Variants in PPP1R36 observed in about 807,000 individuals in gnomAD.
PPP1R36 encodes protein phosphatase 1 regulatory subunit 36, also known as chromosome 14 open reading frame 50.
Under a neutral mutation model 53.4 loss-of-function variants are expected in PPP1R36, and 47 were observed. The ratio of observed to expected loss-of-function variants is 0.88; its 90% CI spans 0.70 to 1.12. The LOEUF (loss-of-function observed/expected upper bound fraction) is 1.12, where lower values mean the gene tolerates loss of function less well. Ranked by LOEUF, PPP1R36 falls within the 50% of genes most tolerant of loss-of-function variation. PPP1R36 has a pLI of 0.00. For missense variants in PPP1R36, 456 were observed against 513.9 expected (o/e 0.89, Z 1.09); for synonymous variants, 153 against 170.5 (o/e 0.90, Z 0.80).
intron 3 of PPP1R36, among the ~76,000 whole-genome samples, chr14:64,560,361 G>A (rs1329682850): frequency 6.6e-6 from 1 of 151,516 alleles, no homozygotes; most frequent in Non-Finnish European, 1.5e-5. Flanking sequence ...AGAATCATCT[G>A]GGCCCTTGAG....
chr14:64,587,290 A>G lies in PPP1R36; in HGVS notation c.808A>G (p.Asn270Asp). Residue 270 changes from asparagine (N) to aspartate (D), a missense_variant, in exon 10 of 12, where the codon AAT (asparagine) becomes GAT (aspartate). Transcript: ENST00000298705. ...AGAAGTAGGGAGACTCTTTCGTACCAATATGTTCAACATTCCTCGCAGGAG... is the reference window on the plus strand; with the variant it reads ...AGAAGTAGGGAGACTCTTTCGTACCGATATGTTCAACATTCCTCGCAGGAG... ...EEEVGRLFRT[N>D]MFNIPRRRRE... is the part of the protein sequence containing the mutation. 6.2e-7 allele frequency: 1 copy of G among 1,613,762 alleles called. No homozygotes were observed. Among genetic ancestry groups the G allele is most frequent in the Non-Finnish European group, 8.5e-7 (1 of 1,179,682 alleles).
chr14:64,564,623 A>G, intron 3 of PPP1R36, 128 bp from the exon 4 acceptor site: 1 of 584,660 alleles, frequency 1.7e-6, no homozygotes, highest in Non-Finnish European at 2.9e-6. Context: ...AAATAGATGA[A>G]TTGAACACTG....
At chr14:64,564,893 G>C (rs1408288218) in intron 4 of PPP1R36, 56 bp downstream of exon 4, 2 of 1,187,858 alleles carry the variant, frequency 1.7e-6, no homozygotes, top group Non-Finnish European at 2.4e-6. Context: ...CAGTGGAATG[G>C]CTTCAGCCTT....
Position 64,587,424 on chromosome 14 carries a change from C to CTTTCT in PPP1R36, c.890+66_890+70dup, listed in dbSNP as rs747645165. ...CAGGGGTATTTCTTTTCTTCCTTTC[C>CTTTCT]TTTCTTTTCTTTTCTTTTTTCTCCT... On this transcript the variant is annotated intron_variant, in intron 10 of 11. Coordinates refer to ENST00000298705, the MANE Select transcript of PPP1R36 (RefSeq NM_172365.3). 1.1e-4 allele frequency: 77 copies of CTTTCT among 690,954 alleles called. No individual in the cohort carries two copies. In the African/African-American group the frequency reaches 1.5e-3, roughly 13 times the overall value. 42.8% of individuals were successfully genotyped at this position (690,954 alleles called of 1,614,324 possible). A position where few individuals can be genotyped will look rare whatever the true frequency, so the allele number is the denominator to read the frequency against.
At chr14:64,552,306 T>A (rs1051886427) in intron 2 of PPP1R36, among the ~76,000 whole-genome samples, 3 of 152,000 alleles carry the variant, frequency 2.0e-5, no homozygotes, top group Non-Finnish European at 4.4e-5. Context: ...CTGGCCAACA[T>A]GGTGAAATCC....
At chr14:64,571,814 C>T (rs1023393047) in intron 7 of PPP1R36, among the ~76,000 whole-genome samples, 1 of 152,100 alleles carries the variant, frequency 6.6e-6, no homozygotes, top group African/African-American at 2.4e-5. Context: ...TGGTGGAAGG[C>T]GAATGAGGAG....
At position 64,562,162 on chromosome 14, in the gene PPP1R36, C is replaced by T. The variant is rs1192901552; in HGVS notation, c.183-2589C>T. ...CACCAATCAGAGGTTCAATTCACAGCACAATTTTCAATTATTGGCTGGGCG... is the reference window on the plus strand; with the variant it reads ...CACCAATCAGAGGTTCAATTCACAGTACAATTTTCAATTATTGGCTGGGCG... On this transcript the variant is annotated intron_variant, in intron 3 of 11. Coordinates refer to ENST00000298705, the MANE Select transcript of PPP1R36 (RefSeq NM_172365.3). The T allele has an allele frequency of 4.1e-5, 7 of 172,036 alleles. No individual in the cohort carries two copies. The South Asian group carries it at 5.4e-4, about 13-fold the overall frequency. The allele number at this position is 172,036 out of a possible 1,614,324, so 10.7% of individuals were successfully genotyped here.
chr14:64,583,986 C>T (rs1325259034), intron 8 of PPP1R36, among the ~76,000 whole-genome samples: 1 of 149,984 alleles, frequency 6.7e-6, no homozygotes, highest in Non-Finnish European at 1.5e-5. Flanking sequence ...CTGCAACCTC[C>T]GCCTCCTGGG....
intron 3 of PPP1R36, among the ~76,000 whole-genome samples, chr14:64,556,762 ATGTGTG>A (rs369620598): frequency 6.4e-4 from 86 of 134,058 alleles, no homozygotes; most frequent in African/African-American, 1.9e-3. Context: ...TCTCCAAAAA[ATGTGTG>A]TGTGTGTGTG....
chr14:64,554,338 ACAGGGTTTCT>A (rs1295126857), intron 3 of PPP1R36, among the ~76,000 whole-genome samples: 2 of 151,616 alleles, frequency 1.3e-5, no homozygotes, highest in Admixed American at 6.6e-5. Flanking sequence ...TTTAGTAGAG[ACAGGGTTTCT>A]CCATGTTGGT....
At chr14:64,562,531 A>G (rs901583632) in intron 3 of PPP1R36, among the ~76,000 whole-genome samples, 36 of 152,138 alleles carry the variant, frequency 2.4e-4, no homozygotes, top group African/African-American at 8.4e-4. Flanking sequence ...GGCTGCTTTC[A>G]GGGCTATGGC....
At chr14:64,555,892 C>T (rs761574734) in intron 3 of PPP1R36, among the ~76,000 whole-genome samples, 44 of 152,058 alleles carry the variant, frequency 2.9e-4, no homozygotes, top group Non-Finnish European at 5.1e-4. Context: ...TTTGCATTTC[C>T]ATCATTTCAT....
intron 3 of PPP1R36, among the ~76,000 whole-genome samples, chr14:64,562,571 C>T (rs61450623): frequency 0.027 from 4,115 of 152,190 alleles, 178 homozygotes; most frequent in African/African-American, 0.095. Context: ...TGGAACCTGT[C>T]TTACCAGCCA....
At chr14:64,577,240 A>C (rs2080349169) in intron 8 of PPP1R36, among the ~76,000 whole-genome samples, 1 of 152,156 alleles carries the variant, frequency 6.6e-6, no homozygotes, top group South Asian at 2.1e-4. Context: ...TCCGTGACTT[A>C]ATTACTTCCA....
intron 8 of PPP1R36, among the ~76,000 whole-genome samples, chr14:64,577,025 C>A (rs1207824722): frequency 1.3e-5 from 2 of 152,168 alleles, no homozygotes; most frequent in African/African-American, 4.8e-5. Context: ...GGCTTATAAA[C>A]AACAGAAATG....
At chr14:64,572,874 C>T (rs1026372275) in intron 7 of PPP1R36, among the ~76,000 whole-genome samples, 7 of 152,142 alleles carry the variant, frequency 4.6e-5, no homozygotes, top group African/African-American at 1.4e-4. Flanking sequence ...GAGGGTGGAG[C>T]TGCTGAAGGA....
intron 3 of PPP1R36, among the ~76,000 whole-genome samples, chr14:64,564,109 C>G (rs1019015486): frequency 6.6e-6 from 1 of 152,172 alleles, no homozygotes; most frequent in Non-Finnish European, 1.5e-5. Flanking sequence ...AGTGCTTGTA[C>G]AACATGCTAA....
chr14:64,554,379 G>A (rs140398672), intron 3 of PPP1R36, among the ~76,000 whole-genome samples: 6,519 of 152,016 alleles, frequency 0.043, 184 homozygotes, highest in Middle Eastern at 0.065. Context: ...TCTATCTCCC[G>A]ACCTCAGGTG....
chr14:64,560,986 G>A (rs1213547230), intron 3 of PPP1R36, among the ~76,000 whole-genome samples: 1 of 152,204 alleles, frequency 6.6e-6, no homozygotes, highest in East Asian at 1.9e-4. Context: ...GAAGGAACAT[G>A]CCTCAGAAAA....
Sources: allele counts gnomAD v4.1 joint callset (sites outside exome capture counted in the v4.1 genomes callset), GRCh38; gene constraint gnomAD v4.1.1; transcripts MANE v1.5; gene names NCBI Gene and HGNC (gene_info 2026-07-23, HGNC 2026-07-21).